The following TCP10L variants were observed in gnomAD, a reference collection of about 807,000 sequenced individuals.
TCP10L encodes the protein t-complex 10 like.
In TCP10L, 11 loss-of-function variants were observed where a neutral mutation model predicts 19.2. The observed-to-expected ratio is 0.57, with a 90% CI of 0.36 to 0.95. The LOEUF is 0.95. Ranked by LOEUF, TCP10L falls within the 40% of genes least tolerant of loss-of-function variation. TCP10L has a pLI of 0.01. For synonymous variants in TCP10L, 96 were observed against 97.2 expected (o/e 0.99, Z 0.07); for missense variants, 247 against 263.9 (o/e 0.94, Z 0.44).
At position 32,582,222 on chromosome 21, in the gene TCP10L, G is replaced by A. The variant is rs375426139; in HGVS notation, c.338C>T (p.Ala113Val). The change falls in exon 3 of 5, where the codon GCG becomes GTG. Residue 113 changes from alanine to valine, a missense_variant. Coordinates refer to ENST00000300258, the MANE Select transcript of TCP10L (RefSeq NM_144659.7). This position sits in a 1 kb window ranked among gnomAD's most constrained non-coding sequence, Gnocchi z 4.2. ...TACCAGAGTGTGCGATTCTTGCCCCGCGTGTGGGGACGCTGCAGATTTCTT... is the reference window on the plus strand; with the variant it reads ...TACCAGAGTGTGCGATTCTTGCCCCACGTGTGGGGACGCTGCAGATTTCTT... ...ARKKSAASPH[A>V]GQESHTLALE... is the part of the protein sequence containing the mutation. 1.9e-5 allele frequency: 30 copies of A among 1,613,996 alleles called. No homozygotes were observed. The highest frequency in any genetic ancestry group is 3.3e-5 in the Admixed American group (2 of 59,990).
chr21:32,583,372 G>A (rs1455044363), intron 2 of TCP10L, among the ~76,000 whole-genome samples: 2 of 151,658 alleles, frequency 1.3e-5, no homozygotes, highest in Admixed American at 6.6e-5. Context: ...GGCGGATCAC[G>A]AGGTCAGGAG....
chr21:32,580,247 A>G (rs2038477287), intron 3 of TCP10L, among the ~76,000 whole-genome samples: 1 of 151,982 alleles, frequency 6.6e-6, no homozygotes, highest in Non-Finnish European at 1.5e-5. Flanking sequence ...CTGGGACTAT[A>G]GGCACCCGCC....
rs992638600 is a variant in TCP10L at position 32,578,261 on chromosome 21, G to C, written c.498+433C>G. Reference sequence around the variant, plus strand: ...GTACTGTGGCTCCCAAGCTAACAGCGCCACCCCTGTTCAGAGGAGTCCACG... The same window carrying C: ...GTACTGTGGCTCCCAAGCTAACAGCCCCACCCCTGTTCAGAGGAGTCCACG... On this transcript the variant is annotated intron_variant, in intron 4 of 4. Transcript: ENST00000300258. This position sits in a 1 kb window ranked among gnomAD's most constrained non-coding sequence, Gnocchi z 4.2. Among the ~76,000 whole-genome samples, 9 of 152,200 alleles carry C rather than the reference G, an allele frequency of 5.9e-5. No individual in the cohort carries two copies. Among genetic ancestry groups the C allele is most frequent in the African/African-American group, 1.9e-4 (8 of 41,458 alleles).
chr21:32,582,437 C>A lies in TCP10L; in HGVS notation c.145-22G>T. ...ATGGCTGTTATTGGGAAGAGAACAC[C>A]AGAAAAACCTCTCAGATGTCACAAT... On this transcript the variant is annotated intron_variant, in intron 2 of 4. Transcript: ENST00000300258. The surrounding 1 kb of genome is among the most constrained non-coding windows in gnomAD (Gnocchi z 4.2). The A allele has an allele frequency of 6.3e-7, 1 of 1,599,740 alleles. No homozygotes were observed. The highest frequency in any genetic ancestry group is 8.5e-7 in the Non-Finnish European group (1 of 1,174,970).
intron 1 of TCP10L, 49 bp downstream of exon 1, chr21:32,585,372 C>T: frequency 5.2e-6 from 1 of 191,532 alleles, no homozygotes; most frequent in Non-Finnish European, 1.1e-5. Flanking sequence ...CCCCTCAGTC[C>T]AGGGAAGACC....
In TCP10L at chr21:32,582,586, C is replaced by T. The variant is rs7510330; in HGVS notation, c.145-171G>A. On this transcript the variant is annotated intron_variant, in intron 2 of 4. Transcript: ENST00000300258. This position sits in a 1 kb window ranked among gnomAD's most constrained non-coding sequence, Gnocchi z 4.2. Reference sequence around the variant, plus strand: ...AGCCTTTTTCTTTCTTCTTTCTTTCCTTTCTTTCTTTCTTTTCTTTTCTTT... The same window carrying T: ...AGCCTTTTTCTTTCTTCTTTCTTTCTTTTCTTTCTTTCTTTTCTTTTCTTT... Among the ~76,000 whole-genome samples the T allele has an allele frequency of 3.8e-5, 5 of 132,662 alleles. No homozygotes were observed. Among genetic ancestry groups the T allele is most frequent in the African/African-American group, 5.9e-5 (2 of 33,916 alleles). 87.0% of individuals were successfully genotyped at this position (132,662 alleles called of 152,430 possible). A position where few individuals can be genotyped will look rare whatever the true frequency, so the allele number is the denominator to read the frequency against.
intron 4 of TCP10L, 49 bp from the exon 5 acceptor site, chr21:32,576,972 T>C (rs1210752173): frequency 1.3e-6 from 2 of 1,558,602 alleles, no homozygotes; most frequent in African/African-American, 1.4e-5. Flanking sequence ...ATTATATTAT[T>C]TTTAAATGTT....
chr21:32,577,884 T>C (rs2038452235), intron 4 of TCP10L, among the ~76,000 whole-genome samples: 1 of 152,210 alleles, frequency 6.6e-6, no homozygotes, highest in South Asian at 2.1e-4. Flanking sequence ...CAGTGATAAA[T>C]TGTTTCTATA....
In TCP10L at chr21:32,582,777, G is replaced by A. The variant is rs1185123727; in HGVS notation, c.145-362C>T. Among the ~76,000 whole-genome samples, 3 of 151,880 alleles carry A rather than the reference G, an allele frequency of 2.0e-5. No individual in the cohort carries two copies. Among genetic ancestry groups the A allele is most frequent in the African/African-American group, 2.4e-5 (1 of 41,350 alleles). On this transcript the variant is annotated intron_variant, in intron 2 of 4. Transcript: ENST00000300258. The surrounding 1 kb of genome is among the most constrained non-coding windows in gnomAD (Gnocchi z 4.2). Reference sequence around the variant, plus strand: ...TTCGCTAATTTTTGTATTTTTACTCGGGATGGGGGTTCACCATGTTGCCCA... The same window carrying A: ...TTCGCTAATTTTTGTATTTTTACTCAGGATGGGGGTTCACCATGTTGCCCA...
intron 1 of TCP10L, 112 bp from the exon 2 acceptor site, chr21:32,584,417 T>C: frequency 7.0e-7 from 1 of 1,419,266 alleles, no homozygotes; most frequent in Middle Eastern, 2.2e-4. Context: ...CCGCAGCCGC[T>C]CCTTCTCCCC....
Position 32,576,290 on chromosome 21 carries a change from AG to A in TCP10L, c.*483del. The stretch of plus-strand genomic sequence containing the variant: ...TGCACTGGTGATTTTCTGCCACTCA[AG>A]TTTTGCAGACTTCGGGAAGATGGAT... On this transcript the variant is annotated 3_prime_UTR_variant, in exon 5 of 5. Transcript: ENST00000300258. 6.4e-7 allele frequency: 1 copy of A among 1,572,302 alleles called. No individual in the cohort carries two copies. Among genetic ancestry groups the A allele is most frequent in the Non-Finnish European group, 8.7e-7 (1 of 1,148,958 alleles).
Position 32,582,153 on chromosome 21 carries a change from T to C in TCP10L, c.360+47A>G, listed in dbSNP as rs769515766. The C allele has an allele frequency of 1.2e-5, 19 of 1,599,128 alleles. No homozygotes were observed. The highest frequency in any genetic ancestry group is 1.7e-4 in the Middle Eastern group (1 of 5,966). On this transcript the variant is annotated intron_variant, in intron 3 of 4. Coordinates refer to ENST00000300258, the MANE Select transcript of TCP10L (RefSeq NM_144659.7). This position sits in a 1 kb window ranked among gnomAD's most constrained non-coding sequence, Gnocchi z 4.2. ...GCCCACATCTTTATGGGGACGCTAT[T>C]TTTACATAACGCAAACGGTACAAAA...
chr21:32,582,121 C>A lies in TCP10L; in HGVS notation c.360+79G>T. ...GCGTGAGTGATACCGCGTCATTCAGCAATAAAGCCCACATCTTTATGGGGA... is the reference window on the plus strand; with the variant it reads ...GCGTGAGTGATACCGCGTCATTCAGAAATAAAGCCCACATCTTTATGGGGA... On this transcript the variant is annotated intron_variant, in intron 3 of 4. Coordinates refer to ENST00000300258, the MANE Select transcript of TCP10L (RefSeq NM_144659.7). The surrounding 1 kb of genome is among the most constrained non-coding windows in gnomAD (Gnocchi z 4.2). 6.6e-7 allele frequency: 1 copy of A among 1,509,008 alleles called. No individual in the cohort carries two copies. Among genetic ancestry groups the A allele is most frequent in the South Asian group, 1.2e-5 (1 of 81,732 alleles). 93.5% of individuals were successfully genotyped at this position (1,509,008 alleles called of 1,614,324 possible).
In TCP10L at chr21:32,575,547, C is replaced by T. The variant is rs1375607657; in HGVS notation, c.*1227G>A. The T allele has an allele frequency of 6.6e-6, 1 of 152,588 alleles. No homozygotes were observed. The highest frequency in any genetic ancestry group is 1.5e-5 in the Non-Finnish European group (1 of 68,148). The allele number at this position is 152,588 out of a possible 1,614,324, so 9.5% of individuals were successfully genotyped here. On this transcript the variant is annotated 3_prime_UTR_variant, in exon 5 of 5. Transcript: ENST00000300258. ...CAGGCAGCCCAGGGCGAGTGGTGCC[C>T]ACAGGCTTGGGCTGTGCTGTGCATA...
chr21:32,580,081 G>A (rs2038475253), intron 3 of TCP10L, among the ~76,000 whole-genome samples: 1 of 152,126 alleles, frequency 6.6e-6, no homozygotes, highest in African/African-American at 2.4e-5. Flanking sequence ...TTCTTGTAGA[G>A]GAACTTGTGG....
chr21:32,584,010 T>A, intron 2 of TCP10L, 151 bp downstream of exon 2: 1 of 1,032,722 alleles, frequency 9.7e-7, no homozygotes, highest in Non-Finnish European at 1.3e-6. Context: ...AAGAGCCACA[T>A]GCCCCTTGGA....
In TCP10L at chr21:32,584,294, C is replaced by A. The variant is rs1389227730; in HGVS notation, c.11G>T (p.Gly4Val). Reference sequence around the variant, plus strand: ...TTTGGGGTCCCTGGCCTCGAGTTGACCTGCCAGCATCCTGGTTGGGAAGGG... The same window carrying A: ...TTTGGGGTCCCTGGCCTCGAGTTGAACTGCCAGCATCCTGGTTGGGAAGGG... Reference protein sequence around the residue: MLAGQLEARDPKEG... With the variant: MLAVQLEARDPKEG... Residue 4 changes from glycine to valine, a missense_variant, in exon 2 of 5, where the codon GGT becomes GTT. Physicochemically the swap from Gly to Val is moderately radical, Grantham distance 109 (BLOSUM62 -3). Transcript: ENST00000300258. 6.2e-7 allele frequency: 1 copy of A among 1,613,606 alleles called. No homozygotes were observed. Among genetic ancestry groups the A allele is most frequent in the Non-Finnish European group, 8.5e-7 (1 of 1,179,742 alleles).
chr21:32,584,351 C>T, intron 1 of TCP10L, 46 bp from the exon 2 acceptor site: 1 of 1,582,572 alleles, frequency 6.3e-7, no homozygotes, highest in African/African-American at 1.3e-5. Context: ...ATGCAGCCCT[C>T]CTACCCCGTC....
In TCP10L at chr21:32,575,432, C is replaced by CG. The variant is rs2038419980; in HGVS notation, c.*1341dup. On this transcript the variant is annotated 3_prime_UTR_variant, in exon 5 of 5. Transcript: ENST00000300258. Reference sequence around the variant, plus strand: ...ACAGCCTGGGGGTGGGCAGGAAGCCCGGGGGGCAGACTCAGGAGGAAGACA... The same window carrying CG: ...ACAGCCTGGGGGTGGGCAGGAAGCCCGGGGGGGCAGACTCAGGAGGAAGACA... The CG allele has an allele frequency of 1.9e-5, 3 of 154,678 alleles. No homozygotes were observed. Among genetic ancestry groups the CG allele is most frequent in the Non-Finnish European group, 2.9e-5 (2 of 69,860 alleles). 9.6% of individuals were successfully genotyped at this position (154,678 alleles called of 1,614,324 possible).
Sources: gnomAD v4.1 joint callset for allele counts (sites outside exome capture counted in the v4.1 genomes callset) on GRCh38, gnomAD v4.1.1 for gene constraint, Gnocchi (gnomAD v3.1) non-coding constraint, MANE v1.5 for transcripts, NCBI Gene and HGNC (gene_info 2026-07-23, HGNC 2026-07-21) for gene names.